ME3: variants seen among roughly 807,000 people sequenced by gnomAD.
ME3 encodes the protein malic enzyme 3.
ME3 carries 48 observed loss-of-function variants against 68.9 expected under a neutral mutation model. The observed-to-expected ratio is 0.70, with a 90% CI of 0.55 to 0.89. The LOEUF is 0.89. ME3 is among the 40% of genes least tolerant of loss of function. The pLI, the probability that ME3 is intolerant of heterozygous loss-of-function variation, is 0.00. For synonymous variants in ME3, 320 were observed against 318.8 expected (o/e 1.00, Z -0.04); for missense variants, 675 against 797.4 (o/e 0.85, Z 1.85).
At chr11:86,610,347 A>G (rs1942470495) in intron 2 of ME3, among the ~76,000 whole-genome samples, 1 of 152,134 alleles carries the variant, frequency 6.6e-6, no homozygotes, top group Non-Finnish European at 1.5e-5. Flanking sequence ...AGTGATCTGC[A>G]AGCAGAAACT....
intron 8 of ME3, among the ~76,000 whole-genome samples, chr11:86,450,817 C>T (rs906205321): frequency 6.6e-6 from 1 of 152,182 alleles, no homozygotes; most frequent in Non-Finnish European, 1.5e-5. Flanking sequence ...ATGGCCTGAG[C>T]TGCCCATCTT....
At chr11:86,452,318 AT>A (rs1274208271) in intron 8 of ME3, among the ~76,000 whole-genome samples, 3 of 152,162 alleles carry the variant, frequency 2.0e-5, no homozygotes, top group Non-Finnish European at 4.4e-5. Flanking sequence ...AAAGAAGGGG[AT>A]TACTTTTCTG....
chr11:86,552,537 C>A (rs1956745847), intron 4 of ME3, among the ~76,000 whole-genome samples: 1 of 152,164 alleles, frequency 6.6e-6, no homozygotes, highest in African/African-American at 2.4e-5. Context: ...ATAATCCCAT[C>A]CTGTCAATTT....
At chr11:86,484,823 T>A (rs775104580) in intron 7 of ME3, among the ~76,000 whole-genome samples, 7 of 152,212 alleles carry the variant, frequency 4.6e-5, no homozygotes, top group Non-Finnish European at 1.0e-4. Context: ...CAGCTTGTAG[T>A]CCTGACAGGT....
rs751030460 is a variant in ME3, at chr11:86,448,197, T to C, written c.1190A>G (p.Asn397Ser). 40 of 1,613,794 alleles carry C rather than the reference T, an allele frequency of 2.5e-5. No homozygotes were observed. In the Middle Eastern group the frequency reaches 4.9e-4, roughly 20 times the overall value. ...CAGCCTCACCACCTCCTCCAGGGAG[T>C]TGACTTCAGGATGGTCTTGGGCAAA... The change falls in exon 11 of 15, where the codon AAC becomes AGC. Residue 397 changes from asparagine to serine, a missense_variant. Transcript: ENST00000543262.
chr11:86,631,517 GA>G (rs1452734609), intron 2 of ME3, among the ~76,000 whole-genome samples: 1 of 152,012 alleles, frequency 6.6e-6, no homozygotes, highest in Non-Finnish European at 1.5e-5. Context: ...ACGCATATCA[GA>G]ATCTCCTTGG....
chr11:86,559,648 A>C, intron 3 of ME3, 42 bp downstream of exon 3: 3 of 1,573,764 alleles, frequency 1.9e-6, no homozygotes, highest in Non-Finnish European at 2.6e-6. Flanking sequence ...CAGACAGCTC[A>C]GCCCAAGGAC....
intron 7 of ME3, among the ~76,000 whole-genome samples, chr11:86,481,681 C>T (rs1236275359): frequency 6.6e-6 from 1 of 152,174 alleles, no homozygotes; most frequent in African/African-American, 2.4e-5. Flanking sequence ...TAGAGGCCTA[C>T]TTTAGCTCTT....
chr11:86,560,777 C>A (rs1394708024), intron 2 of ME3, among the ~76,000 whole-genome samples: 1 of 87,034 alleles, frequency 1.1e-5, no homozygotes, highest in Non-Finnish European at 2.3e-5. Flanking sequence ...TATATATTTC[C>A]AGGACCCATC....
chr11:86,477,901 C>T (rs1326924971), intron 7 of ME3, among the ~76,000 whole-genome samples: 5 of 152,122 alleles, frequency 3.3e-5, no homozygotes, highest in Admixed American at 6.6e-5. Context: ...CATGCAAAAT[C>T]TGGCTGTTGT....
chr11:86,591,111 G>A (rs1959030606), intron 2 of ME3, among the ~76,000 whole-genome samples: 1 of 152,148 alleles, frequency 6.6e-6, no homozygotes, highest in Non-Finnish European at 1.5e-5. Context: ...CACTGCTTTG[G>A]CATTTATACT....
chr11:86,563,069 A>G (rs1957315077), intron 2 of ME3, among the ~76,000 whole-genome samples: 2 of 152,014 alleles, frequency 1.3e-5, no homozygotes, highest in Admixed American at 6.6e-5. Flanking sequence ...CCACTCTATC[A>G]TTGATGGGCA....
chr11:86,614,828 T>C (rs1188413608), intron 2 of ME3, among the ~76,000 whole-genome samples: 2 of 152,216 alleles, frequency 1.3e-5, no homozygotes, highest in Non-Finnish European at 2.9e-5. Context: ...ACTTCTCTGA[T>C]ACTGGTATTA....
chr11:86,628,319 C>T (rs1943792759), intron 2 of ME3, among the ~76,000 whole-genome samples: 1 of 152,226 alleles, frequency 6.6e-6, no homozygotes, highest in East Asian at 1.9e-4. Flanking sequence ...CCACTGGAGC[C>T]TGTTCTGGGC....
Position 86,623,737 on chromosome 11 carries a change from G to C in ME3, c.183+48025C>G, listed in dbSNP as rs1298200775. Among the ~76,000 whole-genome samples, 7 of 152,178 alleles carry C rather than the reference G, an allele frequency of 4.6e-5. No homozygotes were observed. The East Asian group carries it at 1.3e-3, about 29-fold the overall frequency. ...ACTTAATCCATGGCTCAGTCAACCA[G>C]TATTTCACAGTTACCTCTGAGGGTC... On this transcript the variant is annotated intron_variant, in intron 2 of 14. Transcript: ENST00000543262.
chr11:86,622,294 C>A (rs1325013550), intron 2 of ME3, among the ~76,000 whole-genome samples: 1 of 151,924 alleles, frequency 6.6e-6, no homozygotes, highest in Non-Finnish European at 1.5e-5. Flanking sequence ...TCATTTTACG[C>A]CTCCCTATCA....
At chr11:86,649,217 C>T (rs1945236297) in intron 2 of ME3, among the ~76,000 whole-genome samples, 1 of 152,172 alleles carries the variant, frequency 6.6e-6, no homozygotes, top group Non-Finnish European at 1.5e-5. Flanking sequence ...ACAAAAACCA[C>T]ATGATTATCT....
chr11:86,516,648 C>T (rs941147141), intron 4 of ME3, among the ~76,000 whole-genome samples: 4 of 152,292 alleles, frequency 2.6e-5, no homozygotes, highest in African/African-American at 9.6e-5. Flanking sequence ...ACCTCAGCCT[C>T]CCAAAGTGCT....
intron 7 of ME3, among the ~76,000 whole-genome samples, chr11:86,484,533 G>A (rs74341113): frequency 0.05 from 7,664 of 151,956 alleles, 479 homozygotes; most frequent in African/African-American, 0.15. Flanking sequence ...CCCCGCTCCC[G>A]GACTGCCTGT....
Sources: gnomAD v4.1 joint callset for allele counts (sites outside exome capture counted in the v4.1 genomes callset) on GRCh38, gnomAD v4.1.1 for gene constraint, MANE v1.5 for transcripts, NCBI Gene and HGNC (gene_info 2026-07-23, HGNC 2026-07-21) for gene names.